The following VWA8 variants were observed in gnomAD, a reference collection of about 807,000 sequenced individuals.
VWA8 encodes von Willebrand factor A domain containing 8, also known as von Willebrand factor A domain-containing protein 8.
VWA8 carries 221 observed loss-of-function variants against 241.5 expected under a neutral mutation model. That is an observed-to-expected ratio of 0.91 (90% CI 0.82 to 1.02). The LOEUF (loss-of-function observed/expected upper bound fraction) is 1.02, where lower values mean the gene tolerates loss of function less well. Among genes scored for constraint, VWA8 ranks in the 50% least tolerant of loss-of-function variants. VWA8 has a pLI of 0.00. For missense variants in VWA8, 2,322 were observed against 2,328.7 expected (o/e 1.00, Z 0.06); for synonymous variants, 852 against 827.1 (o/e 1.03, Z -0.52).
At chr13:41,904,434 G>A (rs914802949) in intron 4 of VWA8, among the ~76,000 whole-genome samples, 1 of 151,948 alleles carries the variant, frequency 6.6e-6, no homozygotes, top group Non-Finnish European at 1.5e-5. Flanking sequence ...CATTGTTCCA[G>A]CTTCTAATCC....
At chr13:41,835,656 G>C (rs1430311979) in intron 12 of VWA8, among the ~76,000 whole-genome samples, 4 of 151,882 alleles carry the variant, frequency 2.6e-5, no homozygotes, top group Non-Finnish European at 5.9e-5. Context: ...ATCAAAATAA[G>C]TGTCTGTGGG....
intron 12 of VWA8, among the ~76,000 whole-genome samples, chr13:41,834,649 C>T (rs942555551): frequency 6.6e-6 from 1 of 152,124 alleles, no homozygotes; most frequent in Non-Finnish European, 1.5e-5. Flanking sequence ...TAAATTAGTT[C>T]AACCATTGTG....
At chr13:41,849,734 A>G (rs754911780) in intron 12 of VWA8, among the ~76,000 whole-genome samples, 1 of 152,198 alleles carries the variant, frequency 6.6e-6, no homozygotes, top group Non-Finnish European at 1.5e-5. Flanking sequence ...TAAAAATACA[A>G]AAAGTGGCCG....
At chr13:41,712,182 A>G (rs2045323057) in intron 26 of VWA8, among the ~76,000 whole-genome samples, 2 of 152,186 alleles carry the variant, frequency 1.3e-5, no homozygotes, top group Admixed American at 6.5e-5. Context: ...AATGATTGAT[A>G]GCAGACTAGA....
intron 42 of VWA8, among the ~76,000 whole-genome samples, chr13:41,586,800 G>A (rs949574832): frequency 6.6e-6 from 1 of 152,132 alleles, no homozygotes; most frequent in Non-Finnish European, 1.5e-5. Context: ...ATCTGCACGT[G>A]CATACAGCAT....
chr13:41,768,393 T>A (rs1252870171), intron 20 of VWA8, among the ~76,000 whole-genome samples: 3 of 152,224 alleles, frequency 2.0e-5, no homozygotes. Context: ...TGTCTCAATA[T>A]TAAATAATTC....
At chr13:41,911,912 C>G in intron 3 of VWA8, 126 bp downstream of exon 3, 1 of 1,138,912 alleles carries the variant, frequency 8.8e-7, no homozygotes, top group Non-Finnish European at 1.1e-6. Flanking sequence ...ACAAATCACC[C>G]TTTGATGTCA....
intron 4 of VWA8, among the ~76,000 whole-genome samples, chr13:41,894,994 A>C (rs1027288170): frequency 2.0e-5 from 3 of 151,966 alleles, no homozygotes; most frequent in Non-Finnish European, 4.4e-5. Flanking sequence ...GGGAGATAAC[A>C]GTCTTTTTTT....
chr13:41,819,188 A>C (rs756483044), intron 15 of VWA8, 30 bp downstream of exon 15: 50 of 1,574,834 alleles, frequency 3.2e-5, no homozygotes, highest in Non-Finnish European at 4.2e-5. Flanking sequence ...GCTTTTTAAG[A>C]AAATAGACTA....
At chr13:41,800,666 G>A (rs1033834309) in intron 17 of VWA8, among the ~76,000 whole-genome samples, 4 of 151,502 alleles carry the variant, frequency 2.6e-5, no homozygotes, top group Non-Finnish European at 5.9e-5. Flanking sequence ...GGTGATGGGT[G>A]CCTGTAGTCC....
At chr13:41,689,309 A>C in intron 34 of VWA8, 45 bp downstream of exon 34, 1 of 1,576,472 alleles carries the variant, frequency 6.3e-7, no homozygotes, top group Non-Finnish European at 8.6e-7. Flanking sequence ...GGTCAAACTA[A>C]GGGAAAGAAA....
intron 40 of VWA8, among the ~76,000 whole-genome samples, chr13:41,601,959 T>C (rs533291988): frequency 4.6e-5 from 7 of 152,232 alleles, no homozygotes; most frequent in African/African-American, 1.4e-4. Flanking sequence ...CCATGGTTAC[T>C]TGGATTACAT....
chr13:41,907,450 T>C (rs1593860731), intron 4 of VWA8, 136 bp downstream of exon 4: 1 of 584,638 alleles, frequency 1.7e-6, no homozygotes, highest in South Asian at 3.8e-5. Context: ...ACTAAAAATC[T>C]AAATTAAATC....
intron 2 of VWA8, among the ~76,000 whole-genome samples, chr13:41,914,041 A>G (rs1566037679): frequency 6.6e-6 from 1 of 152,252 alleles, no homozygotes; most frequent in East Asian, 1.9e-4. Flanking sequence ...CAGAAGTTCA[A>G]GACCAGCCTG....
intron 21 of VWA8, among the ~76,000 whole-genome samples, chr13:41,759,624 A>C (rs1355688729): frequency 6.6e-6 from 1 of 150,944 alleles, no homozygotes; most frequent in East Asian, 1.9e-4. Context: ...CATTATGTTC[A>C]TTTTTCTCCC....
At chr13:41,569,976 T>TAC (rs2044289776) in intron 44 of VWA8, among the ~76,000 whole-genome samples, 1 of 152,182 alleles carries the variant, frequency 6.6e-6, no homozygotes, top group South Asian at 2.1e-4. Flanking sequence ...TATATATATA[T>TAC]ACAGGCATGC....
At chr13:41,794,174 A>G (rs1055522055) in intron 17 of VWA8, among the ~76,000 whole-genome samples, 2 of 152,060 alleles carry the variant, frequency 1.3e-5, no homozygotes, top group South Asian at 4.2e-4. Flanking sequence ...TTCTGTGAAG[A>G]AAGTCAATGG....
At chr13:41,784,685 CATATACATATACAT>C (rs1869061211) in intron 18 of VWA8, among the ~76,000 whole-genome samples, 1 of 54,080 alleles carries the variant, frequency 1.8e-5, no homozygotes, top group African/African-American at 7.2e-5. Context: ...TCTCTTTATA[CATATACATATACAT>C]ATATATATAT....
At chr13:41,909,516 G>C (rs1033918233) in intron 3 of VWA8, among the ~76,000 whole-genome samples, 3 of 152,190 alleles carry the variant, frequency 2.0e-5, no homozygotes, top group Non-Finnish European at 4.4e-5. Flanking sequence ...ATTACTTCTT[G>C]CTTCTGGAAC....
Sources: allele counts gnomAD v4.1 joint callset (sites outside exome capture counted in the v4.1 genomes callset), GRCh38; gene constraint gnomAD v4.1.1; transcripts MANE v1.5; gene names NCBI Gene and HGNC (gene_info 2026-07-23, HGNC 2026-07-21).